The following MORC4 variants were observed in gnomAD, a reference collection of about 807,000 sequenced individuals.
The protein encoded by MORC4 is MORC family CW-type zinc finger protein 4.
A neutral mutation model predicts 65.5 loss-of-function variants in MORC4; 22 were observed. That is an observed-to-expected ratio of 0.34 (90% CI 0.24 to 0.48). The LOEUF (loss-of-function observed/expected upper bound fraction) is 0.48, where lower values mean the gene tolerates loss of function less well. Among genes scored for constraint, MORC4 ranks in the 20% least tolerant of loss-of-function variants. The probability of loss-of-function intolerance (pLI) is 0.99; values close to 1 mark genes in which losing one functional copy is unlikely to be tolerated. For missense variants in MORC4, 624 were observed against 703.0 expected (o/e 0.89, Z 1.27); for synonymous variants, 267 against 255.8 (o/e 1.04, Z -0.42).
intron 9 of MORC4, among the ~76,000 whole-genome samples, chrX:106,970,985 CA>C (rs1338276589): frequency 9.0e-6 from 1 of 111,487 alleles, no homozygotes; most frequent in African/African-American, 3.3e-5. Context: ...CATATGGAAG[CA>C]AAAAAGAGCC....
At position 106,956,970 on chromosome X, in the gene MORC4, C is replaced by A; in HGVS notation, c.1420G>T (p.Asp474Tyr). 1 of 1,200,410 alleles carries A rather than the reference C, an allele frequency of 8.3e-7. No individual in the cohort carries two copies. The highest frequency in any genetic ancestry group is 1.7e-5 in the African/African-American group (1 of 57,604). ...GCTTTGCTCAAGCACAGGTCTTCAT[C>A]AGTGAGTTCTTGTTCCTCTGGAACA... ...CSVPEEQELT[D>Y]EDLCLSKAKK... The change falls in exon 12 of 17, where the codon GAT becomes TAT. Residue 474 changes from aspartate to tyrosine, a missense_variant. Physicochemically the swap from Asp to Tyr is radical, Grantham distance 160. Coordinates refer to ENST00000355610, the MANE Select transcript of MORC4 (RefSeq NM_024657.5).
At chrX:106,977,752 T>C (rs1300295684) in intron 8 of MORC4, among the ~76,000 whole-genome samples, 2 of 111,658 alleles carry the variant, frequency 1.8e-5, no homozygotes, top group Non-Finnish European at 3.8e-5. Context: ...TATGCCTTAT[T>C]GTCTCTCCAA....
At chrX:106,965,823 G>A (rs992849826) in intron 9 of MORC4, among the ~76,000 whole-genome samples, 1 of 112,093 alleles carries the variant, frequency 8.9e-6, no homozygotes, top group African/African-American at 3.2e-5. Context: ...CAAGAGTATT[G>A]GTAGAAATAT....
intron 2 of MORC4, among the ~76,000 whole-genome samples, chrX:106,999,357 C>T (rs767535200): frequency 2.8e-4 from 31 of 111,865 alleles, no homozygotes; most frequent in Non-Finnish European, 5.3e-4. Flanking sequence ...TGCCTCAGGG[C>T]CCGAGGTTTT....
rs879200054 is a variant in MORC4 at position 106,942,340 on chromosome X, T to A, written c.2377-119A>T. ...TTCCTCTACTTATGGGCCTTTTCAA[T>A]ACCCTAAAATGGGCAGGAAGCCTAC... On this transcript the variant is annotated intron_variant, in intron 15 of 16. Coordinates refer to ENST00000355610, the MANE Select transcript of MORC4 (RefSeq NM_024657.5). 5.4e-6 allele frequency: 5 copies of A among 927,484 alleles called. No homozygotes were observed. In the African/African-American group the frequency reaches 9.9e-5, roughly 18 times the overall value. The allele number at this position is 927,484 out of a possible 1,213,427, so 76.4% of individuals were successfully genotyped here.
At chrX:106,963,726 A>C (rs140927236) in intron 9 of MORC4, among the ~76,000 whole-genome samples, 6 of 111,488 alleles carry the variant, frequency 5.4e-5, no homozygotes, top group Admixed American at 9.6e-5. Context: ...CATAAAGACA[A>C]GGACATTCAA....
rs112154900 is a variant in MORC4 at position 106,986,477 on chromosome X, G to A, written c.309-277C>T. Among the ~76,000 whole-genome samples the A allele has an allele frequency of 3.4e-3, 380 of 111,429 alleles. 3 individuals carry two copies. The highest frequency in any genetic ancestry group is 0.011 in the African/African-American group (352 of 30,696). ...TCACACTTTATAAATGTAAAAAAGG[G>A]CCCCTTTTCACCAGCTAACGTAGCT... On this transcript the variant is annotated intron_variant, in intron 3 of 16. Transcript: ENST00000355610.
intron 9 of MORC4, among the ~76,000 whole-genome samples, chrX:106,972,660 C>T (rs1245545357): frequency 9.0e-6 from 1 of 111,632 alleles, no homozygotes; most frequent in Non-Finnish European, 1.9e-5. Flanking sequence ...AGCTTGAGGC[C>T]GGGCACAGTA....
At chrX:106,992,322 T>C (rs1299452840) in intron 3 of MORC4, among the ~76,000 whole-genome samples, 1 of 112,491 alleles carries the variant, frequency 8.9e-6, no homozygotes, top group East Asian at 2.8e-4. Flanking sequence ...TTGTTTTCCA[T>C]TTTTATAGTT....
At chrX:106,963,302 C>T (rs939050452) in intron 9 of MORC4, among the ~76,000 whole-genome samples, 1 of 112,149 alleles carries the variant, frequency 8.9e-6, no homozygotes, top group South Asian at 3.7e-4. Flanking sequence ...CATGATGTAA[C>T]TATTTTGAAA....
chrX:106,954,398 A>C (rs1364802879), intron 14 of MORC4, among the ~76,000 whole-genome samples: 1 of 112,445 alleles, frequency 8.9e-6, no homozygotes, highest in Non-Finnish European at 1.9e-5. Context: ...GTGAACAAGT[A>C]AAGTCCAATG....
Position 106,942,858 on chromosome X carries a change from C to T in MORC4, c.2033G>A (p.Ser678Asn), listed in dbSNP as rs1209524618. The T allele has an allele frequency of 1.7e-6, 2 of 1,211,655 alleles. No individual in the cohort carries two copies. The highest frequency in any genetic ancestry group is 2.2e-6 in the Non-Finnish European group (2 of 895,276). The change falls in exon 15 of 17, where the codon AGC (serine) becomes AAC (asparagine). Residue 678 changes from serine (S) to asparagine (N), a missense_variant. By Grantham distance (46) the Ser-to-Asn change is conservative. Transcript: ENST00000355610. The part of the protein sequence containing the change: ...RLVAEESNRG[S>N]TTINKEEVNK... ...GACTTCTTCTTTGTTTATGGTTGTGCTACCTCTGTTAGATTCTTCTGCCAC... is the reference window on the plus strand; with the variant it reads ...GACTTCTTCTTTGTTTATGGTTGTGTTACCTCTGTTAGATTCTTCTGCCAC...
At chrX:106,957,832 T>G (rs1182783794) in intron 11 of MORC4, among the ~76,000 whole-genome samples, 1 of 111,665 alleles carries the variant, frequency 9.0e-6, no homozygotes, top group Non-Finnish European at 1.9e-5. Flanking sequence ...GAATGTAAAG[T>G]CCTTTGTCTC....
intron 3 of MORC4, among the ~76,000 whole-genome samples, chrX:106,990,258 T>C (rs1482893410): frequency 9.1e-6 from 1 of 110,038 alleles, no homozygotes; most frequent in Admixed American, 9.6e-5. Context: ...TTTTTATTTA[T>C]TTATTTATTT....
At chrX:106,984,472 T>TC (rs1016470281) in intron 5 of MORC4, among the ~76,000 whole-genome samples, 2 of 57,680 alleles carry the variant, frequency 3.5e-5, no homozygotes, top group African/African-American at 1.0e-4. Flanking sequence ...TTTCTTTTTT[T>TC]TTTTTTTTTT....
rs1206372705 is a variant in MORC4, at chrX:106,954,968, T to G, written c.1630A>C (p.Arg544=). ...SVLPSGGEES[R]SPSLQLKPLD... ...GGCTTAAGTTGAAGAGATGGTGATC[T>G]GCTTTCTTCTCCACCAGAAGGAAGC... The change falls in exon 14 of 17, where the codon AGA becomes CGA. Residue 544 remains arginine (R), a synonymous_variant. Coordinates refer to ENST00000355610, the MANE Select transcript of MORC4 (RefSeq NM_024657.5). 2 of 1,210,134 alleles carry G rather than the reference T, an allele frequency of 1.7e-6. No homozygotes were observed. The highest frequency in any genetic ancestry group is 2.3e-4 in the Middle Eastern group (1 of 4,354).
chrX:106,961,304 G>A (rs1934236640), intron 10 of MORC4, among the ~76,000 whole-genome samples: 1 of 112,142 alleles, frequency 8.9e-6, no homozygotes. Flanking sequence ...ACCCAGGAAC[G>A]TTTGATTTAA....
chrX:106,986,978 C>T (rs1162073803), intron 3 of MORC4, among the ~76,000 whole-genome samples: 2 of 111,566 alleles, frequency 1.8e-5, no homozygotes, highest in Non-Finnish European at 3.8e-5. Flanking sequence ...CATTCAGGTA[C>T]ACACCAAAAT....
chrX:106,983,882 A>C (rs1241979111), intron 5 of MORC4, among the ~76,000 whole-genome samples: 3 of 111,278 alleles, frequency 2.7e-5, no homozygotes, highest in African/African-American at 9.8e-5. Context: ...CTGTGAAAGC[A>C]CTAACACAGA....
Sources: allele counts gnomAD v4.1 joint callset (sites outside exome capture counted in the v4.1 genomes callset), GRCh38; gene constraint gnomAD v4.1.1; transcripts MANE v1.5; gene names NCBI Gene and HGNC (gene_info 2026-07-23, HGNC 2026-07-21).